Variants in SPAG17 observed in about 807,000 individuals in gnomAD.
SPAG17 encodes the protein sperm associated antigen 17, also known as sperm-associated antigen 17.
In SPAG17, 169 loss-of-function variants were observed where a neutral mutation model predicts 273.6. That is an observed-to-expected ratio of 0.62 (90% CI 0.55 to 0.70). SPAG17 has a LOEUF of 0.70. Ranked by LOEUF, SPAG17 falls within the 30% of genes least tolerant of loss-of-function variation. SPAG17 has a pLI of 0.00. For synonymous variants in SPAG17, 825 were observed against 873.2 expected, an observed-to-expected ratio of 0.94 and a Z score of 0.97; for missense variants, 2,557 against 2,627.8, an observed-to-expected ratio of 0.97 and a Z score of 0.59.
chr1:117,996,532 A>C, intron 33 of SPAG17, 32 bp from the exon 34 acceptor site: 1 of 1,606,162 alleles, frequency 6.2e-7, no homozygotes, highest in Non-Finnish European at 8.5e-7. Context: ...TAATCACTTC[A>C]AGTATTCCGT....
intron 25 of SPAG17, among the ~76,000 whole-genome samples, chr1:118,031,177 CT>C (rs1015324627): frequency 0.035 from 1,915 of 55,040 alleles, 25 homozygotes; most frequent in African/African-American, 0.097. Flanking sequence ...GAGGACTACT[CT>C]TTTTTTTTTT....
chr1:118,136,801 A>ATGTGTGTG lies in SPAG17; in HGVS notation c.315+13734_315+13741dup, dbSNP rs5777337. On this transcript the variant is annotated intron_variant, in intron 3 of 48. Transcript: ENST00000336338. ...AAAGGGGTAAAGTGTGTGTGTGTGT[A>ATGTGTGTG]TGTGTGTGTGTGTGTGTGTGTGTGT... is the stretch of plus-strand genomic sequence containing the variant. Among the ~76,000 whole-genome samples, 243 of 147,250 alleles carry ATGTGTGTG rather than the reference A, an allele frequency of 1.7e-3. 1 individual carries two copies. The highest frequency in any genetic ancestry group is 9.8e-3 in the East Asian group (49 of 4,976).
At chr1:118,028,159 C>G (rs1647977251) in intron 26 of SPAG17, 115 bp downstream of exon 26, 2 of 1,236,376 alleles carry the variant, frequency 1.6e-6, no homozygotes, top group African/African-American at 3.0e-5. Context: ...TGAAAACAGT[C>G]TATTGTTCAT....
chr1:118,046,008 C>G (rs924337934), intron 20 of SPAG17, among the ~76,000 whole-genome samples: 1 of 152,054 alleles, frequency 6.6e-6, no homozygotes, highest in African/African-American at 2.4e-5. Flanking sequence ...ATGGTAAGCA[C>G]GGAGACAAAG....
intron 15 of SPAG17, among the ~76,000 whole-genome samples, chr1:118,076,686 A>G (rs1016227073): frequency 2.6e-5 from 4 of 152,188 alleles, no homozygotes; most frequent in Non-Finnish European, 5.9e-5. Context: ...AGGAAAGAAC[A>G]TTCTAAAAGT....
intron 18 of SPAG17, among the ~76,000 whole-genome samples, chr1:118,063,216 C>T (rs1652542049): frequency 6.6e-6 from 1 of 152,212 alleles, no homozygotes; most frequent in South Asian, 2.1e-4. Flanking sequence ...ACTTTCTTCA[C>T]AGAATTGGAA....
intron 24 of SPAG17, among the ~76,000 whole-genome samples, 195 bp from the exon 25 acceptor site, chr1:118,032,062 G>A (rs1044249515): frequency 3.3e-5 from 5 of 152,092 alleles, no homozygotes; most frequent in Admixed American, 2.6e-4. Flanking sequence ...GAAAATTTGA[G>A]GTATTTATTA....
chr1:118,086,623 C>T (rs924578637), intron 12 of SPAG17, 48 bp downstream of exon 12: 3 of 1,507,990 alleles, frequency 2.0e-6, no homozygotes, highest in South Asian at 2.3e-5. Context: ...TAGTTATAAA[C>T]ACACTTTCCC....
At position 118,085,908 on chromosome 1, in the gene SPAG17, A is replaced by G. The variant is rs745765567; in HGVS notation, c.1762+14T>C. The G allele has an allele frequency of 6.4e-7, 1 of 1,574,078 alleles. No individual in the cohort carries two copies. The highest frequency in any genetic ancestry group is 1.4e-5 in the African/African-American group (1 of 72,218). ...TTAAATTGAGTTTAAGCTAAGACAA[A>G]GCAATGGACTCACCACTCGTACAAA... On this transcript the variant is annotated intron_variant, in intron 13 of 48. Coordinates refer to ENST00000336338, the MANE Select transcript of SPAG17 (RefSeq NM_206996.4).
intron 13 of SPAG17, among the ~76,000 whole-genome samples, chr1:118,084,178 A>C (rs1366702852): frequency 3.3e-5 from 5 of 152,198 alleles, no homozygotes; most frequent in African/African-American, 1.2e-4. Flanking sequence ...TATGTGCACA[A>C]CAGAAATGAC....
At chr1:118,127,434 T>C (rs914245181) in intron 3 of SPAG17, among the ~76,000 whole-genome samples, 2 of 151,588 alleles carry the variant, frequency 1.3e-5, no homozygotes, top group African/African-American at 4.9e-5. Context: ...TGTGGGGAGG[T>C]GCCACACACT....
intron 27 of SPAG17, 121 bp downstream of exon 27, chr1:118,025,117 A>G: frequency 1.4e-6 from 1 of 718,886 alleles, no homozygotes; most frequent in Non-Finnish European, 2.2e-6. Context: ...TTGTCATTTG[A>G]AGGTGTCATT....
intron 18 of SPAG17, among the ~76,000 whole-genome samples, chr1:118,057,691 G>GA (rs1447505927): frequency 6.6e-6 from 1 of 151,686 alleles, no homozygotes; most frequent in Non-Finnish European, 1.5e-5. Context: ...AAAAGGTCAA[G>GA]AAAAAAAGCA....
Position 117,973,429 on chromosome 1 carries a change from G to C in SPAG17, c.6137C>G (p.Ala2046Gly). Residue 2046 changes from alanine (A) to glycine (G), a missense_variant, in exon 44 of 49, where the codon GCA becomes GGA. Physicochemically the swap from Ala to Gly is moderately conservative, Grantham distance 60 (BLOSUM62 0). Transcript: ENST00000336338. ...LSSKPKSQPL[A>G]KVQDSVGGKV... ...TTGTTCCAATGTTTGTTTTACCTTT[G>C]CAAGAGGTTGAGACTTAGGCTTGGA... The C allele has an allele frequency of 1.2e-6, 2 of 1,612,302 alleles. No individual in the cohort carries two copies. The highest frequency in any genetic ancestry group is 1.7e-6 in the Non-Finnish European group (2 of 1,178,918).
intron 3 of SPAG17, among the ~76,000 whole-genome samples, chr1:118,134,103 CA>C (rs931419643): frequency 6.6e-6 from 1 of 152,170 alleles, no homozygotes; most frequent in African/African-American, 2.4e-5. Flanking sequence ...CAAGATATGT[CA>C]AGAGCTTTAA....
chr1:117,971,048 T>C (rs971789230), intron 45 of SPAG17, among the ~76,000 whole-genome samples: 1 of 151,832 alleles, frequency 6.6e-6, no homozygotes, highest in African/African-American at 2.4e-5. Flanking sequence ...TGGATGCTTC[T>C]ATCGTTTTTT....
chr1:118,153,177 G>T (rs1659481857), intron 1 of SPAG17, among the ~76,000 whole-genome samples: 2 of 152,088 alleles, frequency 1.3e-5, no homozygotes, highest in Admixed American at 1.3e-4. Flanking sequence ...GACCATTTCA[G>T]ACCAGAAAAT....
intron 4 of SPAG17, among the ~76,000 whole-genome samples, chr1:118,108,089 T>C (rs1656517972): frequency 6.6e-6 from 1 of 152,154 alleles, no homozygotes; most frequent in Non-Finnish European, 1.5e-5. Context: ...TTTGAACATG[T>C]TCTTTACCCT....
intron 24 of SPAG17, 98 bp downstream of exon 24, chr1:118,036,672 C>T (rs1288801867): frequency 1.3e-6 from 1 of 770,676 alleles, no homozygotes; most frequent in Non-Finnish European, 2.1e-6. Flanking sequence ...AGCATTAAAT[C>T]ATAACATGTT....
Sources: allele counts gnomAD v4.1 joint callset (sites outside exome capture counted in the v4.1 genomes callset), GRCh38; gene constraint gnomAD v4.1.1; transcripts MANE v1.5; gene names NCBI Gene and HGNC (gene_info 2026-07-23, HGNC 2026-07-21).